The following HUNK variants were observed in gnomAD, a reference collection of about 807,000 sequenced individuals.
HUNK encodes hormonally up-regulated Neu-associated kinase, also known as hormonally up-regulated neu tumor-associated kinase.
Under a neutral mutation model 61.0 loss-of-function variants are expected in HUNK, and 21 were observed. That is an observed-to-expected ratio of 0.34 (90% CI 0.24 to 0.50). The LOEUF (loss-of-function observed/expected upper bound fraction) is 0.50, where lower values mean the gene tolerates loss of function less well. Ranked by LOEUF, HUNK falls within the 20% of genes least tolerant of loss-of-function variation. HUNK has a pLI of 0.98. For synonymous variants in HUNK, 371 were observed against 386.1 expected, an observed-to-expected ratio of 0.96 and a Z score of 0.46; for missense variants, 772 against 945.7, an observed-to-expected ratio of 0.82 and a Z score of 2.41.
intron 1 of HUNK, among the ~76,000 whole-genome samples, chr21:31,877,727 G>A (rs1044968015): frequency 6.6e-6 from 1 of 152,160 alleles, no homozygotes; most frequent in South Asian, 2.1e-4. Flanking sequence ...GCTTTGAGAC[G>A]AAGAGCAAAG....
chr21:31,882,782 G>A (rs538967684), intron 1 of HUNK, among the ~76,000 whole-genome samples: 70 of 152,260 alleles, frequency 4.6e-4, no homozygotes, highest in Non-Finnish European at 6.5e-4. Flanking sequence ...TTGTACCCAT[G>A]AACCAGCTTC....
intron 5 of HUNK, among the ~76,000 whole-genome samples, chr21:31,966,471 G>C (rs550363642): frequency 6.6e-6 from 1 of 152,264 alleles, no homozygotes; most frequent in East Asian, 1.9e-4. Context: ...TATTGAAAGG[G>C]AGATGACCTG....
Position 31,995,933 on chromosome 21 carries a change from A to G in HUNK, c.1471A>G (p.Ser491Gly), listed in dbSNP as rs2053202197. Residue 491 changes from serine (S) to glycine (G), a missense_variant, in exon 10 of 11, where the codon AGC becomes GGC. Coordinates refer to ENST00000270112, the MANE Select transcript of HUNK (RefSeq NM_014586.2). The stretch of plus-strand genomic sequence containing the variant: ...GAAGGACCGGAAGGCCTCCAAGTCC[A>G]GCTTCCCCGACAAAGGTGGGTCAGC... The part of the protein sequence containing the change: ...LLKDRKASKS[S>G]FPDKDSFGCR... 1 of 1,613,224 alleles carries G rather than the reference A, an allele frequency of 6.2e-7. No homozygotes were observed. Among genetic ancestry groups the G allele is most frequent in the Non-Finnish European group, 8.5e-7 (1 of 1,179,572 alleles).
intron 4 of HUNK, among the ~76,000 whole-genome samples, chr21:31,954,906 C>A (rs1198031857): frequency 1.3e-5 from 2 of 152,130 alleles, no homozygotes; most frequent in African/African-American, 4.8e-5. Context: ...CTCAGCCCCC[C>A]AAGTAGTTGG....
At chr21:31,946,273 A>G (rs1278403173) in intron 4 of HUNK, 102 bp downstream of exon 4, 2 of 1,144,312 alleles carry the variant, frequency 1.7e-6, no homozygotes, top group Non-Finnish European at 2.4e-6. Flanking sequence ...TATAGGTGAC[A>G]GGCCCAGGAG....
At chr21:31,874,120 C>G (rs979765830) in intron 1 of HUNK, among the ~76,000 whole-genome samples, 185 bp downstream of exon 1, 4 of 151,648 alleles carry the variant, frequency 2.6e-5, no homozygotes, top group Admixed American at 2.6e-4. Context: ...CCGAAGGCGG[C>G]CTGCGGTCCG....
chr21:31,962,212 A>G (rs1001051636), intron 5 of HUNK, among the ~76,000 whole-genome samples: 8 of 152,214 alleles, frequency 5.3e-5, no homozygotes, highest in Admixed American at 2.0e-4. Flanking sequence ...GGGCAGTGCA[A>G]CCTTACCATG....
At chr21:31,911,326 CA>C (rs1289659531) in intron 1 of HUNK, among the ~76,000 whole-genome samples, 2 of 152,088 alleles carry the variant, frequency 1.3e-5, no homozygotes, top group Non-Finnish European at 2.9e-5. Flanking sequence ...CCTCGGGGCA[CA>C]GGGGTTGTGA....
chr21:31,934,190 T>TC (rs201557954), intron 2 of HUNK, among the ~76,000 whole-genome samples: 8,119 of 151,950 alleles, frequency 0.053, 264 homozygotes, highest in South Asian at 0.066. Flanking sequence ...GCGCGGTGGC[T>TC]CACTCCTGTA....
chr21:31,873,079 G>T lies in HUNK; in HGVS notation c.-596G>T, dbSNP rs2052226081. ...GAGCTCGCATCTGTTCCCGCCGCCC[G>T]CGAGCGGATTAAATTTCTGCAAATT... On this transcript the variant is annotated 5_prime_UTR_variant, in exon 1 of 11. Transcript: ENST00000270112. The surrounding 1 kb of genome is among the most constrained non-coding windows in gnomAD (Gnocchi z 6.1). Among the ~76,000 whole-genome samples the T allele has an allele frequency of 6.6e-6, 1 of 152,180 alleles. No homozygotes were observed. The highest frequency in any genetic ancestry group is 1.9e-4 in the East Asian group (1 of 5,168).
chr21:31,971,309 T>G (rs889767607), intron 6 of HUNK, among the ~76,000 whole-genome samples: 2 of 152,022 alleles, frequency 1.3e-5, no homozygotes, highest in Non-Finnish European at 2.9e-5. Flanking sequence ...TGGCCTCAAG[T>G]GATCCGCCTG....
intron 6 of HUNK, among the ~76,000 whole-genome samples, chr21:31,973,227 A>G (rs2053024382): frequency 1.3e-5 from 2 of 151,950 alleles, no homozygotes; most frequent in South Asian, 2.1e-4. Flanking sequence ...GGTTTGTTAC[A>G]TATATATACA....
intron 2 of HUNK, among the ~76,000 whole-genome samples, chr21:31,934,554 T>C (rs2052719857): frequency 6.6e-6 from 1 of 152,140 alleles, no homozygotes; most frequent in Non-Finnish European, 1.5e-5. Context: ...TGCAGGTTTG[T>C]TACATGGGTA....
chr21:31,899,647 C>T (rs539768207), intron 1 of HUNK, among the ~76,000 whole-genome samples: 2 of 152,300 alleles, frequency 1.3e-5, no homozygotes, highest in East Asian at 1.9e-4. Flanking sequence ...AAACCAAACT[C>T]GTTGCCTTTG....
chr21:31,920,263 T>G (rs1281299605), intron 1 of HUNK, among the ~76,000 whole-genome samples: 2 of 152,244 alleles, frequency 1.3e-5, no homozygotes, highest in Non-Finnish European at 2.9e-5. Flanking sequence ...TAATCTCATC[T>G]CAGAATTCTT....
chr21:31,954,815 T>C (rs1217621958), intron 4 of HUNK, among the ~76,000 whole-genome samples: 1 of 152,136 alleles, frequency 6.6e-6, no homozygotes, highest in Non-Finnish European at 1.5e-5. Flanking sequence ...AGGGTCTTGC[T>C]CTGTTGCCCA....
chr21:31,885,064 C>A (rs1285282654), intron 1 of HUNK, among the ~76,000 whole-genome samples: 1 of 152,132 alleles, frequency 6.6e-6, no homozygotes, highest in African/African-American at 2.4e-5. Context: ...AGGCACGAGT[C>A]ATCGCGCCTG....
chr21:31,956,862 C>T (rs2123839525), intron 4 of HUNK, among the ~76,000 whole-genome samples: 1 of 152,316 alleles, frequency 6.6e-6, no homozygotes, highest in Admixed American at 6.5e-5. Context: ...TGCCGAACCC[C>T]TATTCCTCCC....
chr21:31,916,993 G>A (rs376954938), intron 1 of HUNK, among the ~76,000 whole-genome samples: 4 of 151,998 alleles, frequency 2.6e-5, no homozygotes, highest in African/African-American at 9.7e-5. Context: ...CTCTCTTTCT[G>A]TCTCTCCTGC....
Sources: gnomAD v4.1 joint callset for allele counts (sites outside exome capture counted in the v4.1 genomes callset) on GRCh38, gnomAD v4.1.1 for gene constraint, Gnocchi (gnomAD v3.1) non-coding constraint, MANE v1.5 for transcripts, NCBI Gene and HGNC (gene_info 2026-07-23, HGNC 2026-07-21) for gene names.